The following ADGRL3 variants were observed in gnomAD, a reference collection of about 807,000 sequenced individuals.
ADGRL3 encodes adhesion G protein-coupled receptor L3.
A neutral mutation model predicts 153.5 loss-of-function variants in ADGRL3; 62 were observed. That is an observed-to-expected ratio of 0.40 (90% CI 0.33 to 0.50). The LOEUF (loss-of-function observed/expected upper bound fraction) is 0.50, where lower values mean the gene tolerates loss of function less well. Among genes scored for constraint, ADGRL3 ranks in the 20% least tolerant of loss-of-function variants. The probability of loss-of-function intolerance (pLI) is 0.47; values close to 1 mark genes in which losing one functional copy is unlikely to be tolerated. For missense variants in ADGRL3, 1,641 were observed against 1,859.4 expected (o/e 0.88, Z 2.16); for synonymous variants, 710 against 672.5 (o/e 1.06, Z -0.86).
At chr4:61,245,971 C>A (rs1055256963) in intron 1 of ADGRL3, among the ~76,000 whole-genome samples, 2 of 151,888 alleles carry the variant, frequency 1.3e-5, no homozygotes, top group African/African-American at 2.4e-5. Flanking sequence ...TCTGTGAGTC[C>A]CCCCTGCCAC....
chr4:61,284,494 C>A (rs2093852967), intron 1 of ADGRL3, among the ~76,000 whole-genome samples: 1 of 151,824 alleles, frequency 6.6e-6, no homozygotes, highest in Non-Finnish European at 1.5e-5. Context: ...AATTATATGA[C>A]AAATTTAGAT....
chr4:61,580,683 A>G (rs1232057896), intron 4 of ADGRL3, among the ~76,000 whole-genome samples: 2 of 152,014 alleles, frequency 1.3e-5, no homozygotes, highest in Admixed American at 1.3e-4. Flanking sequence ...TGGTGGATGG[A>G]AGACCAGCTT....
intron 21 of ADGRL3, among the ~76,000 whole-genome samples, chr4:62,003,409 A>G (rs933554200): frequency 6.6e-6 from 1 of 152,106 alleles, no homozygotes; most frequent in Non-Finnish European, 1.5e-5. Context: ...AAGGAGAGTA[A>G]TAACTTGAGT....
chr4:61,767,797 C>T (rs1479050202), intron 8 of ADGRL3, among the ~76,000 whole-genome samples: 1 of 152,100 alleles, frequency 6.6e-6, no homozygotes, highest in Admixed American at 6.5e-5. Flanking sequence ...CTGGCTGCTA[C>T]AGTTCAGGCG....
intron 1 of ADGRL3, among the ~76,000 whole-genome samples, chr4:61,345,073 C>T (rs980083012): frequency 6.6e-6 from 1 of 151,800 alleles, no homozygotes; most frequent in Non-Finnish European, 1.5e-5. Flanking sequence ...GCTGGGATTA[C>T]AGGCGTGAGA....
intron 3 of ADGRL3, among the ~76,000 whole-genome samples, chr4:61,513,126 G>A (rs894316120): frequency 1.3e-5 from 2 of 152,088 alleles, no homozygotes; most frequent in South Asian, 4.1e-4. Flanking sequence ...GTTTTGTTTA[G>A]AGTCCCAGCT....
intron 1 of ADGRL3, among the ~76,000 whole-genome samples, chr4:61,371,530 C>A (rs1469687202): frequency 2.0e-5 from 3 of 151,362 alleles, no homozygotes; most frequent in Admixed American, 1.3e-4. Context: ...GTTGAAAATT[C>A]TTTTCTTTAA....
intron 6 of ADGRL3, among the ~76,000 whole-genome samples, chr4:61,687,006 A>G (rs905482227): frequency 2.0e-5 from 3 of 152,070 alleles, no homozygotes; most frequent in African/African-American, 7.2e-5. Flanking sequence ...TTAACATGAC[A>G]CCTCATTAAA....
intron 1 of ADGRL3, among the ~76,000 whole-genome samples, chr4:61,366,805 C>G (rs116743761): frequency 0.015 from 2,280 of 152,108 alleles, 59 homozygotes; most frequent in African/African-American, 0.052. Flanking sequence ...GTTATTTTTA[C>G]TGTTATTCAT....
chr4:62,005,642 GCAGT>G (rs1244494086), intron 21 of ADGRL3, among the ~76,000 whole-genome samples: 6 of 151,976 alleles, frequency 3.9e-5, no homozygotes, highest in African/African-American at 7.2e-5. Flanking sequence ...CAAGAAATGT[GCAGT>G]CAGACTATGG....
chr4:61,934,919 T>A lies in ADGRL3; in HGVS notation c.2192T>A (p.Leu731Gln). 6.2e-7 allele frequency: 1 copy of A among 1,613,848 alleles called. No individual in the cohort carries two copies. The highest frequency in any genetic ancestry group is 8.5e-7 in the Non-Finnish European group (1 of 1,179,824). ...AGAGACCTGACTACGAGTGATCAGC[T>A]GCGTGCGGCCACCATGTTGCTTCAT... ...AWRDLTTSDQ[L>Q]RAATMLLHTV... Residue 731 changes from leucine to glutamine, a missense_variant, in exon 14 of 27, where the codon CTG becomes CAG. This residue lies in a region of ADGRL3 where 734 missense variants were observed against 797.0 expected (regional missense o/e 0.92). Transcript: ENST00000683033.
intron 1 of ADGRL3, among the ~76,000 whole-genome samples, chr4:61,313,934 A>G (rs2095108521): frequency 6.6e-6 from 1 of 152,082 alleles, no homozygotes; most frequent in Non-Finnish European, 1.5e-5. Flanking sequence ...GAACCTATAG[A>G]CATGCCAGCT....
chr4:61,650,808 A>G (rs1479758711), intron 5 of ADGRL3, among the ~76,000 whole-genome samples: 10 of 152,162 alleles, frequency 6.6e-5, no homozygotes, highest in Non-Finnish European at 1.5e-4. Context: ...GTACATAAAA[A>G]TGAAAATGAA....
intron 1 of ADGRL3, among the ~76,000 whole-genome samples, chr4:61,306,687 AAAT>A (rs2094801643): frequency 6.6e-6 from 1 of 152,154 alleles, no homozygotes; most frequent in Non-Finnish European, 1.5e-5. Flanking sequence ...AATTAATAGA[AAAT>A]AATATGCACA....
At chr4:61,679,796 C>G (rs982311212) in intron 6 of ADGRL3, among the ~76,000 whole-genome samples, 1 of 151,884 alleles carries the variant, frequency 6.6e-6, no homozygotes, top group African/African-American at 2.4e-5. Context: ...TCTTAAGAAC[C>G]TAGCTGTATT....
chr4:61,400,324 A>G (rs868722757), intron 2 of ADGRL3, among the ~76,000 whole-genome samples: 5 of 151,874 alleles, frequency 3.3e-5, no homozygotes, highest in South Asian at 2.1e-4. Context: ...ACCTGTGTTA[A>G]AAAGTTTTGC....
chr4:61,646,631 C>A (rs1181263304), intron 5 of ADGRL3, among the ~76,000 whole-genome samples: 1 of 151,988 alleles, frequency 6.6e-6, no homozygotes, highest in Non-Finnish European at 1.5e-5. Context: ...GCAGTCTGCC[C>A]GTTCTCAGAT....
intron 3 of ADGRL3, among the ~76,000 whole-genome samples, chr4:61,516,225 G>T (rs538968155): frequency 3.6e-4 from 55 of 152,006 alleles, no homozygotes; most frequent in African/African-American, 1.3e-3. Context: ...AGAAATTATG[G>T]CACCACTGTA....
chr4:61,220,862 C>T (rs989328486), intron 1 of ADGRL3, among the ~76,000 whole-genome samples: 1 of 152,126 alleles, frequency 6.6e-6, no homozygotes, highest in Admixed American at 6.5e-5. Flanking sequence ...ATAAGCATGC[C>T]AGAAATGCCT....
Sources: gnomAD v4.1 joint callset for allele counts (sites outside exome capture counted in the v4.1 genomes callset) on GRCh38, gnomAD v4.1.1 for gene constraint, gnomAD v4.1.1 regional missense constraint, MANE v1.5 for transcripts, NCBI Gene and HGNC (gene_info 2026-07-23, HGNC 2026-07-21) for gene names.